Variants in CHD6 observed in about 807,000 individuals in gnomAD.
CHD6 encodes chromodomain helicase DNA binding protein 6, also known as ATP-dependent chromatin remodeler CHD6.
A neutral mutation model predicts 276.9 loss-of-function variants in CHD6; 50 were observed. The ratio of observed to expected loss-of-function variants is 0.18; its 90% confidence interval spans 0.14 to 0.23. CHD6 has a LOEUF of 0.23. CHD6 is among the 10% of genes least tolerant of loss of function. The pLI is 1.00. For missense variants in CHD6, 2,564 were observed against 3,365.8 expected (o/e 0.76, Z 5.89); for synonymous variants, 1,173 against 1,229.3 (o/e 0.95, Z 0.96).
chr20:41,507,800 T>A (rs1054244402), intron 5 of CHD6, among the ~76,000 whole-genome samples: 2 of 152,238 alleles, frequency 1.3e-5, no homozygotes, highest in South Asian at 4.1e-4. Flanking sequence ...TAGGGAAAAA[T>A]TTCAAAAACT....
At chr20:41,416,462 T>A in intron 33 of CHD6, 126 bp downstream of exon 33, 1 of 803,082 alleles carries the variant, frequency 1.2e-6, no homozygotes, top group South Asian at 1.7e-5. Flanking sequence ...CAATCAACAC[T>A]AATGGCTTGG....
At chr20:41,595,648 C>T (rs532895558) in intron 1 of CHD6, among the ~76,000 whole-genome samples, 2 of 152,270 alleles carry the variant, frequency 1.3e-5, no homozygotes, top group African/African-American at 4.8e-5. Flanking sequence ...AAGGACTAGA[C>T]AGACAATAAA....
At chr20:41,600,446 T>C (rs948877008) in intron 1 of CHD6, among the ~76,000 whole-genome samples, 14 of 152,138 alleles carry the variant, frequency 9.2e-5, no homozygotes, top group African/African-American at 3.1e-4. Context: ...GGGGGTCTTA[T>C]CCAGGAAGGG....
intron 1 of CHD6, among the ~76,000 whole-genome samples, chr20:41,574,792 G>T (rs1414316746): frequency 6.6e-6 from 1 of 152,146 alleles, no homozygotes; most frequent in Non-Finnish European, 1.5e-5. Context: ...TTATAATGAG[G>T]TAGGAAAATA....
intron 2 of CHD6, among the ~76,000 whole-genome samples, chr20:41,537,615 T>C (rs1333800943): frequency 6.6e-6 from 1 of 152,152 alleles, no homozygotes; most frequent in Non-Finnish European, 1.5e-5. Flanking sequence ...GTCTAGTGTC[T>C]AGAATATATA....
intron 24 of CHD6, among the ~76,000 whole-genome samples, chr20:41,446,860 C>G (rs1182473749): frequency 1.3e-5 from 2 of 152,228 alleles, no homozygotes; most frequent in African/African-American, 2.4e-5. Context: ...CTTACTCTCT[C>G]TGTGTTCTAC....
chr20:41,598,940 A>G (rs2045746528), intron 1 of CHD6, among the ~76,000 whole-genome samples: 1 of 152,170 alleles, frequency 6.6e-6, no homozygotes, highest in African/African-American at 2.4e-5. Flanking sequence ...ATCACAAAAA[A>G]AGGAGTACTC....
intron 27 of CHD6, among the ~76,000 whole-genome samples, chr20:41,436,884 T>TGAC (rs1336763688): frequency 3.9e-5 from 6 of 152,178 alleles, no homozygotes; most frequent in Non-Finnish European, 8.8e-5. Flanking sequence ...GAAGAGGATG[T>TGAC]GGTTATAAGA....
chr20:41,458,585 T>C (rs775380478), intron 17 of CHD6, among the ~76,000 whole-genome samples: 12 of 152,180 alleles, frequency 7.9e-5, no homozygotes, highest in Non-Finnish European at 1.3e-4. Flanking sequence ...TATACACACA[T>C]ATACATACAC....
rs537073035 is a variant in CHD6, at chr20:41,580,420, G to C, written c.-23-29060C>G. Among the ~76,000 whole-genome samples the C allele has an allele frequency of 2.0e-5, 3 of 152,020 alleles. No homozygotes were observed. The South Asian group carries it at 6.3e-4, about 32-fold the overall frequency. ...CTCACCCCTGTAATCCTAGCACTTA[G>C]GGAGGCTGAGGATGGCTTGAGCCCA... On this transcript the variant is annotated intron_variant, in intron 1 of 36. Transcript: ENST00000373233.
chr20:41,537,565 G>A (rs182559065), intron 2 of CHD6, among the ~76,000 whole-genome samples: 265 of 152,226 alleles, frequency 1.7e-3, no homozygotes, highest in Non-Finnish European at 3.2e-3. Context: ...AAAATCCCCA[G>A]AATAGGAGAA....
chr20:41,516,308 C>T (rs974213075), intron 3 of CHD6, among the ~76,000 whole-genome samples: 11 of 152,020 alleles, frequency 7.2e-5, no homozygotes, highest in Non-Finnish European at 1.3e-4. Flanking sequence ...TACAGGTGTC[C>T]GTCACCACGC....
intron 1 of CHD6, among the ~76,000 whole-genome samples, chr20:41,554,147 A>G: frequency 6.6e-6 from 1 of 152,254 alleles, no homozygotes; most frequent in East Asian, 1.9e-4. Context: ...CCTGTCTCAA[A>G]AAACAAACAA....
intron 25 of CHD6, among the ~76,000 whole-genome samples, chr20:41,442,519 A>G (rs2047932665): frequency 6.6e-6 from 1 of 152,246 alleles, no homozygotes; most frequent in Non-Finnish European, 1.5e-5. Context: ...AAATGGTTGC[A>G]GCTCTACAGC....
At position 41,405,405 on chromosome 20, in the gene CHD6, G is replaced by A; in HGVS notation, c.7336C>T (p.Pro2446Ser). The A allele has an allele frequency of 6.2e-7, 1 of 1,613,564 alleles. No individual in the cohort carries two copies. The highest frequency in any genetic ancestry group is 8.5e-7 in the Non-Finnish European group (1 of 1,179,540). ...DTGPRRRGRRPRSELLKAPSI... is the reference protein window; with the variant it reads ...DTGPRRRGRRSRSELLKAPSI... ...GGAGCCTTCAGGAGTTCGCTCCGAG[G>A]CCGCCTCCCCCTCCTGCGGGGGCCC... The change falls in exon 37 of 37, where the codon CCT becomes TCT. Residue 2446 changes from proline to serine, a missense_variant. Physicochemically the swap from Pro to Ser is moderately conservative, Grantham distance 74. Around this residue, in one of 7 missense-constraint regions of CHD6, gnomAD observed 1,024 missense variants for 1,047.9 expected, o/e 0.98. Coordinates refer to ENST00000373233, the MANE Select transcript of CHD6 (RefSeq NM_032221.5).
At chr20:41,513,148 G>T (rs1471737869) in intron 4 of CHD6, among the ~76,000 whole-genome samples, 153 bp from the exon 5 acceptor site, 1 of 152,106 alleles carries the variant, frequency 6.6e-6, no homozygotes. Flanking sequence ...TTAATAAAAG[G>T]ACTAAATTCA....
At chr20:41,521,615 AT>A (rs370416311) in intron 3 of CHD6, among the ~76,000 whole-genome samples, 10 of 152,240 alleles carry the variant, frequency 6.6e-5, no homozygotes, top group African/African-American at 2.4e-4. Flanking sequence ...GTTTGTATGT[AT>A]TTTCCCCCTA....
intron 10 of CHD6, among the ~76,000 whole-genome samples, chr20:41,492,122 T>C (rs1029472221): frequency 1.3e-5 from 2 of 152,202 alleles, no homozygotes; most frequent in African/African-American, 4.8e-5. Context: ...GTGCTGTATT[T>C]ATTTATCCAT....
intron 15 of CHD6, 105 bp downstream of exon 15, chr20:41,484,247 A>T: frequency 1.5e-6 from 2 of 1,354,164 alleles, no homozygotes; most frequent in Non-Finnish European, 1.0e-6. Context: ...GAATGCGTAC[A>T]TCCTAGCATA....
Sources: allele counts gnomAD v4.1 joint callset (sites outside exome capture counted in the v4.1 genomes callset), GRCh38; gene constraint gnomAD v4.1.1; regional missense constraint gnomAD v4.1.1; transcripts MANE v1.5; gene names NCBI Gene and HGNC (gene_info 2026-07-23, HGNC 2026-07-21).